The following LRRC37A variants were observed in gnomAD, a reference collection of about 807,000 sequenced individuals.
LRRC37A encodes leucine rich repeat containing 37A, also known as leucine-rich repeat-containing protein 37A.
Under a neutral mutation model 35.4 loss-of-function variants are expected in LRRC37A, and 3 were observed. The observed-to-expected ratio is 0.08, with a 90% CI of 0.04 to 0.22. The LOEUF (loss-of-function observed/expected upper bound fraction) is 0.22. Among genes scored for constraint, LRRC37A ranks in the 10% least tolerant of loss-of-function variants. LRRC37A has a pLI of 1.00. For missense variants in LRRC37A, 67 were observed against 565.3 expected (o/e 0.12, Z 8.94); for synonymous variants, 23 against 215.0 (o/e 0.11, Z 7.81).
the LRRC37A span, among the ~76,000 whole-genome samples, chr17:46,266,041 G>A: frequency 6.6e-6 from 1 of 152,202 alleles, no homozygotes; most frequent in Non-Finnish European, 1.5e-5. Context: ...AGGTTACAGT[G>A]AGCTGTCATA....
the LRRC37A span, among the ~76,000 whole-genome samples, chr17:46,263,130 C>T: frequency 1.3e-5 from 2 of 152,044 alleles, no homozygotes; most frequent in Non-Finnish European, 2.9e-5. Flanking sequence ...GGAGGATCAC[C>T]TGAGTCCCGC....
the LRRC37A span, among the ~76,000 whole-genome samples, chr17:46,261,521 C>T: frequency 6.6e-6 from 1 of 152,168 alleles, no homozygotes; most frequent in South Asian, 2.1e-4. Flanking sequence ...AAGTGATTCT[C>T]CTGCCTCAGC....
the LRRC37A span, among the ~76,000 whole-genome samples, chr17:46,281,567 C>G: frequency 6.6e-6 from 1 of 152,156 alleles, no homozygotes; most frequent in African/African-American, 2.4e-5. Flanking sequence ...GTAGCTAGGA[C>G]TACAGGTGCA....
At chr17:46,250,093 G>A in the LRRC37A span, among the ~76,000 whole-genome samples, 2 of 152,066 alleles carry the variant, frequency 1.3e-5, no homozygotes, top group Admixed American at 6.5e-5. Flanking sequence ...CACCATGCCT[G>A]GCCAGTTTTT....
intron 2 of LRRC37A, 80 bp from the exon 3 acceptor site, chr17:46,302,558 T>C (rs2050389259): frequency 6.8e-6 from 1 of 147,500 alleles, no homozygotes; most frequent in Non-Finnish European, 1.6e-5. Context: ...CCAGCTTTCC[T>C]CCACATGCAG....
In LRRC37A at chr17:46,321,351, G is replaced by A. The variant is rs4324173; in HGVS notation, c.2907-971G>A. On this transcript the variant is annotated intron_variant, in intron 5 of 13. Coordinates refer to ENST00000320254, the Ensembl canonical transcript of LRRC37A. Reference sequence around the variant, plus strand: ...AGCCTGGGTGACAGAGTGAGACTCCGTCTCAGAAAAAAAAAAAAAAAAAAA... The same window carrying A: ...AGCCTGGGTGACAGAGTGAGACTCCATCTCAGAAAAAAAAAAAAAAAAAAA... Among the ~76,000 whole-genome samples, 56 of 58,734 alleles carry A rather than the reference G, an allele frequency of 9.5e-4. No homozygotes were observed. The East Asian group carries it at 0.016, about 17-fold the overall frequency. The allele number at this position is 58,734 out of a possible 152,430, so 38.5% of individuals were successfully genotyped here. A position where few individuals can be genotyped will look rare whatever the true frequency, so the allele number is the denominator to read the frequency against.
the LRRC37A span, among the ~76,000 whole-genome samples, chr17:46,272,769 A>G: frequency 6.6e-6 from 1 of 152,252 alleles, no homozygotes; most frequent in Non-Finnish European, 1.5e-5. Context: ...CCTATAGTTG[A>G]TAAAACTATA....
the LRRC37A span, among the ~76,000 whole-genome samples, chr17:46,279,179 TTTTTC>T: frequency 2.0e-5 from 3 of 151,832 alleles, no homozygotes; most frequent in East Asian, 5.8e-4. Flanking sequence ...GGCATTCTTT[TTTTTC>T]TTTTTTTTTT....
the LRRC37A span, among the ~76,000 whole-genome samples, chr17:46,266,630 C>A: frequency 2.0e-5 from 3 of 152,228 alleles, no homozygotes; most frequent in Non-Finnish European, 4.4e-5. Flanking sequence ...GCAAAAATGA[C>A]AGCTAGAGCT....
At chr17:46,251,155 T>G in the LRRC37A span, among the ~76,000 whole-genome samples, 1 of 152,230 alleles carries the variant, frequency 6.6e-6, no homozygotes, top group Admixed American at 6.5e-5. Context: ...TTTATCCTGA[T>G]AATTCTGCTT....
the LRRC37A span, among the ~76,000 whole-genome samples, chr17:46,266,304 C>T: frequency 1.3e-4 from 20 of 152,216 alleles, no homozygotes; most frequent in Admixed American, 3.9e-4. Flanking sequence ...ACCCCACCCT[C>T]TGCTGCCCCC....
At chr17:46,275,665 C>A in the LRRC37A span, among the ~76,000 whole-genome samples, 6 of 152,130 alleles carry the variant, frequency 3.9e-5, no homozygotes, top group Admixed American at 3.3e-4. Context: ...ATATATTTGT[C>A]TAATAAAGAT....
the LRRC37A span, among the ~76,000 whole-genome samples, chr17:46,252,800 G>A: frequency 1.6e-4 from 24 of 152,270 alleles, no homozygotes; most frequent in Admixed American, 7.9e-4. Context: ...GCAACCATCC[G>A]ACTTCTCAGT....
At chr17:46,285,473 C>G in the LRRC37A span, among the ~76,000 whole-genome samples, 1 of 152,006 alleles carries the variant, frequency 6.6e-6, no homozygotes, top group Non-Finnish European at 1.5e-5. Context: ...AACTCCTGAC[C>G]TCATGATTTG....
chr17:46,256,947 A>G, the LRRC37A span, among the ~76,000 whole-genome samples: 1 of 152,254 alleles, frequency 6.6e-6, no homozygotes, highest in Non-Finnish European at 1.5e-5. Flanking sequence ...GAGGCTTCTA[A>G]CAGCTATGTT....
the LRRC37A span, among the ~76,000 whole-genome samples, chr17:46,248,274 T>C: frequency 6.6e-6 from 1 of 152,130 alleles, no homozygotes; most frequent in African/African-American, 2.4e-5. Context: ...ACATTCACCC[T>C]TTTTAAGTGT....
At chr17:46,288,076 G>A (rs1350431762), upstream of LRRC37A, among the ~76,000 whole-genome samples, 11 of 152,124 alleles carry the variant, frequency 7.2e-5, no homozygotes, top group Non-Finnish European at 1.3e-4. Context: ...AATGGAAGTC[G>A]TCCTCAAGCT....
At chr17:46,255,891 G>T in the LRRC37A span, among the ~76,000 whole-genome samples, 2 of 150,008 alleles carry the variant, frequency 1.3e-5, no homozygotes, top group Non-Finnish European at 3.0e-5. Flanking sequence ...TAGCCAGGAT[G>T]GTCTCGATCT....
At chr17:46,276,218 AC>A in the LRRC37A span, among the ~76,000 whole-genome samples, 2 of 152,272 alleles carry the variant, frequency 1.3e-5, no homozygotes, top group Admixed American at 6.5e-5. Context: ...AAACCAAATT[AC>A]TGTACAGTTA....
Sources: gnomAD v4.1 joint callset for allele counts (sites outside exome capture counted in the v4.1 genomes callset) on GRCh38, gnomAD v4.1.1 for gene constraint, MANE v1.5 for transcripts, NCBI Gene and HGNC (gene_info 2026-07-23, HGNC 2026-07-21) for gene names.